The following REXO1 variants were observed in gnomAD, a reference collection of about 807,000 sequenced individuals.
REXO1 encodes the protein RNA exonuclease 1 homolog.
A neutral mutation model predicts 102.6 loss-of-function variants in REXO1; 42 were observed. The observed-to-expected ratio is 0.41, with a 90% CI of 0.32 to 0.53. The LOEUF is 0.53. REXO1 is among the 20% of genes least tolerant of loss of function. The pLI is 0.27. For synonymous variants in REXO1, 908 were observed against 779.1 expected (o/e 1.17, Z -2.76); for missense variants, 1,819 against 1,732.5 (o/e 1.05, Z -0.89).
chr19:1,819,841 G>A (rs1469814649), intron 7 of REXO1, 93 bp downstream of exon 7: 5 of 1,321,434 alleles, frequency 3.8e-6, no homozygotes, highest in Non-Finnish European at 4.0e-6. Flanking sequence ...CTGTGGCTGA[G>A]CTCAGGGCTG....
chr19:1,838,484 G>A (rs1354606544), intron 1 of REXO1, among the ~76,000 whole-genome samples: 1 of 150,954 alleles, frequency 6.6e-6, no homozygotes, highest in African/African-American at 2.4e-5. Flanking sequence ...AGCCAGCTGT[G>A]GTGGCACATG....
intron 7 of REXO1, among the ~76,000 whole-genome samples, chr19:1,819,528 G>A (rs866713004): frequency 2.0e-4 from 30 of 152,310 alleles, no homozygotes; most frequent in African/African-American, 6.3e-4. Flanking sequence ...AGGCGGGGAC[G>A]GGGGCAGGGG....
At chr19:1,837,339 T>C (rs4807151) in intron 1 of REXO1, among the ~76,000 whole-genome samples, 122,363 of 152,186 alleles carry the variant, frequency 0.8, 50,000 homozygotes, top group African/African-American at 0.95. Flanking sequence ...AGCCCCATCC[T>C]TGGACATGCG....
At chr19:1,845,363 G>A (rs866277883) in intron 1 of REXO1, among the ~76,000 whole-genome samples, 21 of 152,314 alleles carry the variant, frequency 1.4e-4, no homozygotes, top group African/African-American at 4.6e-4. Flanking sequence ...AGGTCCAGCC[G>A]GCTCTGAAAT....
At chr19:1,832,788 C>A (rs1448794295) in intron 1 of REXO1, among the ~76,000 whole-genome samples, 4 of 151,868 alleles carry the variant, frequency 2.6e-5, no homozygotes, top group Non-Finnish European at 5.9e-5. Flanking sequence ...TGGGGGCGTG[C>A]ACCTGTAATC....
rs1354508809 is a variant in REXO1 at position 1,848,352 on chromosome 19, G to A, written c.7C>T (p.Arg3Cys). 1.6e-6 allele frequency: 2 copies of A among 1,219,732 alleles called. No homozygotes were observed. Among genetic ancestry groups the A allele is most frequent in the Non-Finnish European group, 2.1e-6 (2 of 973,320 alleles). The allele number at this position is 1,219,732 out of a possible 1,614,324, so 75.6% of individuals were successfully genotyped here. A position where few individuals can be genotyped will look rare whatever the true frequency, so the allele number is the denominator to read the frequency against. Residue 3 changes from arginine to cysteine, a missense_variant, in exon 1 of 16, where the codon CGC becomes TGC. Arg to Cys is a radical substitution (Grantham distance 180). Transcript: ENST00000170168. ...ATGGCCCGGAAGAAGCCAGTGGAGC[G>A]TAGCATGGTCCGTCCCGCGGCGGGG... MLRSTGFFRAIDC... is the reference protein window; with the variant it reads MLCSTGFFRAIDC...
At chr19:1,837,497 A>G (rs912537477) in intron 1 of REXO1, among the ~76,000 whole-genome samples, 1 of 152,208 alleles carries the variant, frequency 6.6e-6, no homozygotes, top group African/African-American at 2.4e-5. Context: ...GAGGGCTTCG[A>G]GGAAAAGTCC....
At chr19:1,818,212 C>A (rs2069428304) in intron 10 of REXO1, among the ~76,000 whole-genome samples, 1 of 152,200 alleles carries the variant, frequency 6.6e-6, no homozygotes, top group East Asian at 1.9e-4. Context: ...GGACCAAGGG[C>A]ACAGGAAGGC....
At chr19:1,835,659 C>T (rs1366446264) in intron 1 of REXO1, among the ~76,000 whole-genome samples, 3 of 152,180 alleles carry the variant, frequency 2.0e-5, no homozygotes, top group African/African-American at 7.2e-5. Flanking sequence ...TGGATAGGAG[C>T]AGGTGGGCTC....
chr19:1,826,814 G>C lies in REXO1; in HGVS notation c.1911+64C>G. 2.0e-6 allele frequency: 3 copies of C among 1,532,822 alleles called. No individual in the cohort carries two copies. The highest frequency in any genetic ancestry group is 4.4e-5 in the Admixed American group (2 of 45,542). The allele number at this position is 1,532,822 out of a possible 1,614,324, so 95.0% of individuals were successfully genotyped here. A position where few individuals can be genotyped will look rare whatever the true frequency, so the allele number is the denominator to read the frequency against. Reference sequence around the variant, plus strand: ...AACTGGAAACCACTCCAGATAGAAGGTCTCTCACCAGGCCCTCGGCTCTGC... The same window carrying C: ...AACTGGAAACCACTCCAGATAGAAGCTCTCTCACCAGGCCCTCGGCTCTGC... On this transcript the variant is annotated intron_variant, in intron 2 of 15. Coordinates refer to ENST00000170168, the MANE Select transcript of REXO1 (RefSeq NM_020695.4). The surrounding 1 kb of genome is among the most constrained non-coding windows in gnomAD (Gnocchi z 4.3).
Position 1,828,317 on chromosome 19 carries a change from G to A in REXO1, c.472C>T (p.Leu158=). The change falls in exon 2 of 16, where the codon CTA becomes TTA. Residue 158 remains leucine (L), a synonymous_variant. Coordinates refer to ENST00000170168, the MANE Select transcript of REXO1 (RefSeq NM_020695.4). ...TGGTAGCCGGCATCAGGGCTTAATA[G>A]GCCGTGGCTGCCGGGGCTGTAGTCG... ...AFDYSPGSHG[L]LSPDAGYQPT... 1 of 1,609,774 alleles carries A rather than the reference G, an allele frequency of 6.2e-7. No individual in the cohort carries two copies. Among genetic ancestry groups the A allele is most frequent in the Non-Finnish European group, 8.5e-7 (1 of 1,178,384 alleles).
chr19:1,838,222 CAGG>C (rs1259554321), intron 1 of REXO1, among the ~76,000 whole-genome samples: 1 of 151,080 alleles, frequency 6.6e-6, no homozygotes, highest in Non-Finnish European at 1.5e-5. Flanking sequence ...GAGGCTGAGG[CAGG>C]AGAATTGCTT....
At chr19:1,817,910 G>A in intron 10 of REXO1, 130 bp from the exon 11 acceptor site, 1 of 702,374 alleles carries the variant, frequency 1.4e-6, no homozygotes, top group Non-Finnish European at 2.4e-6. Flanking sequence ...TCAGCCTCTT[G>A]GTGGAGCTGG....
At position 1,848,442 on chromosome 19, in the gene REXO1, G is replaced by A. The variant is rs1277483640; in HGVS notation, c.-84C>T. On this transcript the variant is annotated 5_prime_UTR_variant, in exon 1 of 16. Coordinates refer to ENST00000170168, the MANE Select transcript of REXO1 (RefSeq NM_020695.4). ...TGGCGCCGCGGTCGCCGCCGCCCGCGCCTCACGGACCCCGCCGCCGCCATC... is the reference window on the plus strand; with the variant it reads ...TGGCGCCGCGGTCGCCGCCGCCCGCACCTCACGGACCCCGCCGCCGCCATC... 8.8e-6 allele frequency: 9 copies of A among 1,026,842 alleles called. No homozygotes were observed. The highest frequency in any genetic ancestry group is 9.5e-6 in the Non-Finnish European group (8 of 841,194). The allele number at this position is 1,026,842 out of a possible 1,614,324, so 63.6% of individuals were successfully genotyped here.
intron 10 of REXO1, 62 bp downstream of exon 10, chr19:1,818,420 A>T: frequency 7.6e-7 from 1 of 1,318,032 alleles, no homozygotes; most frequent in Non-Finnish European, 1.1e-6. Context: ...GGGGGCCTCA[A>T]GGGAGGGCCC....
chr19:1,823,617 C>T lies in REXO1; in HGVS notation c.2185G>A (p.Glu729Lys), dbSNP rs377735070. The T allele has an allele frequency of 9.8e-6, 13 of 1,321,734 alleles. No homozygotes were observed. In the East Asian group the frequency reaches 2.6e-4, roughly 27 times the overall value. The allele number at this position is 1,321,734 out of a possible 1,614,324, so 81.9% of individuals were successfully genotyped here. ...GGGATGTGGGCGATCCTCCTCTTCT[C>T]GCCAGGGGCGGAAATGTGGACGGAG... ...SPSVHISAPG[E>K]KRRIAHIPNP... The change falls in exon 4 of 16, where the codon GAG (glutamate) becomes AAG (lysine). Residue 729 changes from glutamate (E) to lysine (K), a missense_variant. By Grantham distance (56) the Glu-to-Lys change is moderately conservative (BLOSUM62 1). Coordinates refer to ENST00000170168, the MANE Select transcript of REXO1 (RefSeq NM_020695.4).
At chr19:1,829,386 G>A (rs2069843141) in intron 1 of REXO1, among the ~76,000 whole-genome samples, 1 of 152,028 alleles carries the variant, frequency 6.6e-6, no homozygotes, top group Admixed American at 6.5e-5. Context: ...TTACAGGCGT[G>A]CGCCATCACA....
At chr19:1,834,503 T>C (rs2069985967) in intron 1 of REXO1, among the ~76,000 whole-genome samples, 1 of 152,050 alleles carries the variant, frequency 6.6e-6, no homozygotes, top group Admixed American at 6.5e-5. Context: ...AAGCTTTGCC[T>C]CCCCGGCTCC....
Position 1,815,781 on chromosome 19 carries a change from T to C in REXO1, c.*285A>G. On this transcript the variant is annotated 3_prime_UTR_variant, in exon 16 of 16. Transcript: ENST00000170168. This position sits in a 1 kb window ranked among gnomAD's most constrained non-coding sequence, Gnocchi z 4.0. ...GCCTGGCAGGAGGGGCAGGAGGGGC[T>C]GCGGGCCGGGTGGGGGCGGGCTCTG... 1.4e-6 allele frequency: 2 copies of C among 1,433,614 alleles called. No homozygotes were observed. The highest frequency in any genetic ancestry group is 2.7e-5 in the South Asian group (2 of 72,824). 88.8% of individuals were successfully genotyped at this position (1,433,614 alleles called of 1,614,324 possible).
Sources: gnomAD v4.1 joint callset for allele counts (sites outside exome capture counted in the v4.1 genomes callset) on GRCh38, gnomAD v4.1.1 for gene constraint, Gnocchi (gnomAD v3.1) non-coding constraint, MANE v1.5 for transcripts, NCBI Gene and HGNC (gene_info 2026-07-23, HGNC 2026-07-21) for gene names.